RAPGEF6: variants seen among roughly 807,000 people sequenced by gnomAD.
RAPGEF6 encodes the protein PDZ domain containing guanine nucleotide exchange factor (GEF) 2.
In RAPGEF6, 56 loss-of-function variants were observed where a neutral mutation model predicts 171.4. That is an observed-to-expected ratio of 0.33 (90% CI 0.26 to 0.41). The LOEUF is 0.41. Among genes scored for constraint, RAPGEF6 ranks in the 10% least tolerant of loss-of-function variants. The pLI is 1.00. For missense variants in RAPGEF6, 1,674 were observed against 1,921.4 expected, an observed-to-expected ratio of 0.87 and a Z score of 2.41; for synonymous variants, 692 against 650.1, an observed-to-expected ratio of 1.06 and a Z score of -0.98.
intron 17 of RAPGEF6, among the ~76,000 whole-genome samples, chr5:131,465,863 G>A (rs1754298744): frequency 6.6e-6 from 1 of 152,016 alleles, no homozygotes; most frequent in Non-Finnish European, 1.5e-5. Flanking sequence ...GGGGCAGGAT[G>A]GAAGATTTTG....
chr5:131,439,675 T>C lies in RAPGEF6; in HGVS notation c.3651A>G (p.Glu1217=). 1 of 1,612,656 alleles carries C rather than the reference T, an allele frequency of 6.2e-7. No individual in the cohort carries two copies. ...CTTCTGTATGCTTCTTACCACTTAT[T>C]TCTTCAGTTGTTCCTAAAACTTTCT... ...LPQKVLGTTE[E]ISGKKHTEDT... Residue 1217 remains glutamate, a synonymous_variant, in exon 24 of 28, where the codon GAA becomes GAG. Coordinates refer to ENST00000509018, the MANE Select transcript of RAPGEF6 (RefSeq NM_016340.6).
intron 3 of RAPGEF6, among the ~76,000 whole-genome samples, chr5:131,600,359 TA>T (rs1264697307): frequency 6.6e-6 from 1 of 151,970 alleles, no homozygotes; most frequent in Non-Finnish European, 1.5e-5. Context: ...CCATCTCTAC[TA>T]AAAATACAAA....
chr5:131,430,500 T>C lies in RAPGEF6; in HGVS notation c.4465+359A>G, dbSNP rs138509375. Among the ~76,000 whole-genome samples the C allele has an allele frequency of 5.2e-4, 79 of 152,300 alleles. 1 individual carries two copies. In the East Asian group the frequency reaches 0.012, roughly 23 times the overall value. ...TGTTTCTACCACGTATGCATACCAATTGTGGTCCAAACAATTTATGAGGTG... is the reference window on the plus strand; with the variant it reads ...TGTTTCTACCACGTATGCATACCAACTGTGGTCCAAACAATTTATGAGGTG... On this transcript the variant is annotated intron_variant, in intron 26 of 27. Coordinates refer to ENST00000509018, the MANE Select transcript of RAPGEF6 (RefSeq NM_016340.6).
intron 9 of RAPGEF6, among the ~76,000 whole-genome samples, chr5:131,506,717 G>A (rs527431374): frequency 1.3e-5 from 2 of 152,042 alleles, no homozygotes; most frequent in African/African-American, 4.8e-5. Flanking sequence ...CCCGTATCTA[G>A]AACAGTACCT....
intron 4 of RAPGEF6, among the ~76,000 whole-genome samples, chr5:131,571,521 C>T (rs1762283504): frequency 6.6e-6 from 1 of 152,132 alleles, no homozygotes; most frequent in Non-Finnish European, 1.5e-5. Flanking sequence ...TCAGCATATA[C>T]AATATCTCTA....
chr5:131,616,665 C>T (rs1355289083), intron 1 of RAPGEF6, among the ~76,000 whole-genome samples: 1 of 152,194 alleles, frequency 6.6e-6, no homozygotes, highest in Non-Finnish European at 1.5e-5. Context: ...CAGGCTCTCG[C>T]TATGTTGCCC....
intron 19 of RAPGEF6, among the ~76,000 whole-genome samples, chr5:131,460,737 T>C (rs148587353): frequency 1.3e-5 from 2 of 152,326 alleles, no homozygotes; most frequent in East Asian, 1.9e-4. Flanking sequence ...TCAATACTCC[T>C]AGAGTGTTCA....
intron 1 of RAPGEF6, among the ~76,000 whole-genome samples, chr5:131,620,812 G>A (rs1461591328): frequency 6.6e-6 from 1 of 152,108 alleles, no homozygotes; most frequent in Non-Finnish European, 1.5e-5. Flanking sequence ...GGTTGGCCTC[G>A]AACTCCTGGC....
chr5:131,619,598 A>G (rs765773322), intron 1 of RAPGEF6, among the ~76,000 whole-genome samples: 6 of 152,226 alleles, frequency 3.9e-5, no homozygotes, highest in Non-Finnish European at 5.9e-5. Flanking sequence ...CCAATTGTTT[A>G]TAAGTTCAAA....
chr5:131,628,007 C>T (rs13174592), intron 1 of RAPGEF6, among the ~76,000 whole-genome samples: 86,733 of 152,106 alleles, frequency 0.57, 29,122 homozygotes, highest in Non-Finnish European at 0.76. Flanking sequence ...GCTGTTCCAC[C>T]TTCTCTATCT....
chr5:131,435,456 T>G (rs1751955723), intron 24 of RAPGEF6, among the ~76,000 whole-genome samples: 1 of 152,214 alleles, frequency 6.6e-6, no homozygotes, highest in South Asian at 2.1e-4. Context: ...TAAAAAATAA[T>G]TTCATTCTTA....
At chr5:131,497,478 CATT>C (rs1351304705) in intron 12 of RAPGEF6, among the ~76,000 whole-genome samples, 1 of 152,112 alleles carries the variant, frequency 6.6e-6, no homozygotes, top group Non-Finnish European at 1.5e-5. Context: ...ATCTTTAAGG[CATT>C]ATAGTTTTAG....
At chr5:131,620,910 T>A (rs1580692022) in intron 1 of RAPGEF6, among the ~76,000 whole-genome samples, 1 of 152,280 alleles carries the variant, frequency 6.6e-6, no homozygotes, top group East Asian at 1.9e-4. Context: ...ACTCTTCACA[T>A]ATACTGCCAA....
chr5:131,590,152 G>A (rs975803053), intron 4 of RAPGEF6, among the ~76,000 whole-genome samples: 1 of 152,142 alleles, frequency 6.6e-6, no homozygotes. Flanking sequence ...TGTAATCACA[G>A]CACTGTAATG....
intron 21 of RAPGEF6, among the ~76,000 whole-genome samples, chr5:131,452,725 CA>C (rs1220331123): frequency 1.3e-5 from 2 of 151,774 alleles, no homozygotes; most frequent in East Asian, 3.9e-4. Context: ...CTCGGCCTCC[CA>C]AAGTGCTGGG....
intron 4 of RAPGEF6, among the ~76,000 whole-genome samples, chr5:131,578,186 CT>C (rs538828215): frequency 6.6e-6 from 1 of 151,918 alleles, no homozygotes; most frequent in African/African-American, 2.4e-5. Flanking sequence ...TGATGAAGTC[CT>C]TTTTTTTAAC....
chr5:131,566,482 T>C (rs1761944815), intron 4 of RAPGEF6, among the ~76,000 whole-genome samples: 1 of 152,210 alleles, frequency 6.6e-6, no homozygotes, highest in African/African-American at 2.4e-5. Context: ...TTCTGTTTTC[T>C]GTTATTCTGT....
chr5:131,439,634 G>A lies in RAPGEF6; in HGVS notation c.3692C>T (p.Ala1231Val), dbSNP rs374742935. The A allele has an allele frequency of 1.7e-5, 27 of 1,612,434 alleles. No individual in the cohort carries two copies. The highest frequency in any genetic ancestry group is 2.2e-5 in the East Asian group (1 of 44,860). Residue 1231 changes from alanine (A) to valine (V), a missense_variant, in exon 24 of 28, where the codon GCG becomes GTG. This residue lies in a region of RAPGEF6 where 552 missense variants were observed against 574.2 expected (regional missense o/e 0.96). Transcript: ENST00000509018. The stretch of plus-strand genomic sequence containing the variant: ...AGGAGGACTAGAATGTAAAGATGAC[G>A]CCACAGAAATAGTGTCTTCTGTATG... The part of the protein sequence containing the change: ...KKHTEDTISV[A>V]SSLHSSPPAS...
intron 21 of RAPGEF6, among the ~76,000 whole-genome samples, chr5:131,447,979 C>A (rs1399868278): frequency 6.6e-6 from 1 of 152,132 alleles, no homozygotes; most frequent in Non-Finnish European, 1.5e-5. Flanking sequence ...GTCTTTTAAC[C>A]TCCAGGGACC....
Sources: gnomAD v4.1 joint callset for allele counts (sites outside exome capture counted in the v4.1 genomes callset) on GRCh38, gnomAD v4.1.1 for gene constraint, gnomAD v4.1.1 regional missense constraint, MANE v1.5 for transcripts, NCBI Gene and HGNC (gene_info 2026-07-23, HGNC 2026-07-21) for gene names.